PPIL2: variants seen among roughly 807,000 people sequenced by gnomAD.
PPIL2 encodes peptidylprolyl isomerase like 2.
PPIL2 carries 50 observed loss-of-function variants against 75.2 expected under a neutral mutation model. The ratio of observed to expected loss-of-function variants is 0.66; its 90% CI spans 0.53 to 0.84. The LOEUF is 0.84. Among genes scored for constraint, PPIL2 ranks in the 40% least tolerant of loss-of-function variants. The probability of loss-of-function intolerance (pLI) is 0.00; values close to 1 mark genes in which losing one functional copy is unlikely to be tolerated. For missense variants in PPIL2, 590 were observed against 685.0 expected (o/e 0.86, Z 1.55); for synonymous variants, 245 against 258.8 (o/e 0.95, Z 0.51).
At chr22:21,676,306 A>ATTTTTTTT (rs200463191) in intron 6 of PPIL2, among the ~76,000 whole-genome samples, 1 of 23,338 alleles carries the variant, frequency 4.3e-5, no homozygotes, top group African/African-American at 1.6e-4. Context: ...TTATTTATTT[A>ATTTTTTTT]TTTTGTGTGT....
At chr22:21,675,024 C>T (rs1305569934) in intron 5 of PPIL2, 40 bp from the exon 6 acceptor site, 1 of 1,538,108 alleles carries the variant, frequency 6.5e-7, no homozygotes, top group Non-Finnish European at 9.0e-7. Flanking sequence ...GCATCAGTTA[C>T]TTATTCATTA....
intron 6 of PPIL2, among the ~76,000 whole-genome samples, chr22:21,680,885 G>A (rs934744716): frequency 6.7e-6 from 1 of 149,752 alleles, no homozygotes; most frequent in Non-Finnish European, 1.5e-5. Flanking sequence ...CAGTAGGCAG[G>A]CAAGGGGATG....
chr22:21,671,201 G>T (rs1460181121), intron 4 of PPIL2, 142 bp downstream of exon 4: 9 of 861,098 alleles, frequency 1.0e-5, no homozygotes, highest in African/African-American at 3.3e-5. Flanking sequence ...CAGCAATGCT[G>T]CTGTGACCCT....
chr22:21,684,190 G>C (rs372930031), intron 9 of PPIL2, among the ~76,000 whole-genome samples: 9 of 151,046 alleles, frequency 6.0e-5, no homozygotes, highest in South Asian at 2.1e-4. Context: ...TGGGGCGACA[G>C]AGCTAGACCC....
In PPIL2 at chr22:21,694,978, G is replaced by C. The variant is rs752391451; in HGVS notation, c.1374G>C (p.Glu458Asp). The C allele has an allele frequency of 4.3e-6, 7 of 1,613,760 alleles. No homozygotes were observed. In the East Asian group the frequency reaches 1.3e-4, roughly 31 times the overall value. Residue 458 changes from glutamate to aspartate, a missense_variant, in exon 19 of 20, where the codon GAG (glutamate) becomes GAC (aspartate). By Grantham distance (45) the Glu-to-Asp change is conservative. Transcript: ENST00000398831. ...AGACACAGCTCAAGGTAGCCCCGGA[G>C]ACCAAAGTGAAGAGCAGCCAGCCCC... is the stretch of plus-strand genomic sequence containing the variant. Reference protein sequence around the residue: ...ERKTQLKVAPETKVKSSQPQA... With the variant: ...ERKTQLKVAPDTKVKSSQPQA...
intron 5 of PPIL2, among the ~76,000 whole-genome samples, chr22:21,673,815 G>A (rs2073012597): frequency 6.6e-6 from 1 of 152,198 alleles, no homozygotes; most frequent in South Asian, 2.1e-4. Flanking sequence ...AGGGCTGGCT[G>A]GCCCATGTGA....
chr22:21,678,407 T>A (rs995878823), intron 6 of PPIL2, among the ~76,000 whole-genome samples: 19 of 152,008 alleles, frequency 1.2e-4, no homozygotes, highest in African/African-American at 4.6e-4. Flanking sequence ...GTTTTTGTGT[T>A]TTTTGTAGAG....
chr22:21,684,350 G>A (rs904307998), intron 9 of PPIL2, among the ~76,000 whole-genome samples: 4 of 147,000 alleles, frequency 2.7e-5, no homozygotes, highest in African/African-American at 7.6e-5. Context: ...TACTCAGGAG[G>A]CTGAGGCAGG....
At chr22:21,688,708 C>A in intron 14 of PPIL2, 24 bp from the exon 15 acceptor site, 1 of 1,604,738 alleles carries the variant, frequency 6.2e-7, no homozygotes, top group Non-Finnish European at 8.5e-7. Flanking sequence ...GGCTTTCCTG[C>A]TCCCATGGGC....
intron 10 of PPIL2, chr22:21,685,844 A>G (rs530244481): frequency 6.3e-5 from 22 of 351,846 alleles, no homozygotes; most frequent in African/African-American, 3.9e-4. Flanking sequence ...TTAAATATGT[A>G]ATGTGTTTAG....
At chr22:21,688,151 C>T (rs861828) in intron 14 of PPIL2, 45 bp downstream of exon 14, 247,967 of 1,612,432 alleles carry the variant, frequency 0.15, 20,265 homozygotes, top group Non-Finnish European at 0.17. Context: ...TTGGCTGCTC[C>T]GTGGGGCATG....
chr22:21,671,190 G>A, intron 4 of PPIL2, 131 bp downstream of exon 4: 1 of 894,874 alleles, frequency 1.1e-6, no homozygotes, highest in Non-Finnish European at 1.9e-6. Flanking sequence ...TGGGGACATG[G>A]CAGCAATGCT....
chr22:21,670,477 C>A, intron 2 of PPIL2, 89 bp from the exon 3 acceptor site: 1 of 1,495,968 alleles, frequency 6.7e-7, no homozygotes, highest in Non-Finnish European at 9.2e-7. Flanking sequence ...TGAACTTTTT[C>A]ATAAGCTGTA....
intron 15 of PPIL2, among the ~76,000 whole-genome samples, chr22:21,692,393 A>G (rs887941861): frequency 6.6e-6 from 1 of 151,292 alleles, no homozygotes; most frequent in Non-Finnish European, 1.5e-5. Flanking sequence ...TGACCTTGTG[A>G]TCCGCCCACC....
intron 1 of PPIL2, 151 bp from the exon 2 acceptor site, chr22:21,669,762 A>G: frequency 1.3e-6 from 1 of 751,120 alleles, no homozygotes; most frequent in Non-Finnish European, 2.3e-6. Flanking sequence ...GGGCTCCCAA[A>G]GTGTTGGGAT....
Position 21,684,923 on chromosome 22 carries a change from G to A in PPIL2, c.714+10G>A, listed in dbSNP as rs149341682. ...GGACAAGCTGAACGCTGTGAGTGGC[G>A]GAGGGCACTCGGCCAAGCCCAAGCC... On this transcript the variant is annotated intron_variant, in intron 10 of 19. Transcript: ENST00000398831. 4.5e-4 allele frequency: 727 copies of A among 1,613,150 alleles called. 4 individuals are homozygous for A. In the African/African-American group the frequency reaches 8.3e-3, roughly 18 times the overall value.
rs530202637 is a variant in PPIL2, at chr22:21,694,963, C to T, written c.1359C>T (p.Leu453=). Residue 453 remains leucine, a synonymous_variant, in exon 19 of 20, where the codon CTC becomes CTT. Transcript: ENST00000398831. ...TTGCGCAGGAGCGGAAGACACAGCT[C>T]AAGGTAGCCCCGGAGACCAAAGTGA... The part of the protein sequence containing the change: ...AQIAQERKTQ[L]KVAPETKVKS... The T allele has an allele frequency of 3.1e-6, 5 of 1,613,866 alleles. No homozygotes were observed. In the Admixed American group the frequency reaches 8.3e-5, roughly 27 times the overall value.
chr22:21,687,587 G>C (rs1236503826), intron 12 of PPIL2, 56 bp from the exon 13 acceptor site: 1 of 957,528 alleles, frequency 1.0e-6, no homozygotes, highest in African/African-American at 1.7e-5. Flanking sequence ...CTGTGGCTGT[G>C]GTGAGCTGCC....
Position 21,682,424 on chromosome 22 carries a change from C to G in PPIL2, c.388-13C>G. The G allele has an allele frequency of 6.2e-7, 1 of 1,612,236 alleles. No individual in the cohort carries two copies. The highest frequency in any genetic ancestry group is 8.5e-7 in the Non-Finnish European group (1 of 1,178,474). ...GGGGCAGGCATCGTAAAACCACTTC[C>G]TCCTGGCTATAGGCAGTGGAACAGC... On this transcript the variant is annotated splice_polypyrimidine_tract_variant and intron_variant, in intron 7 of 19. Transcript: ENST00000398831.
Sources: allele counts gnomAD v4.1 joint callset (sites outside exome capture counted in the v4.1 genomes callset), GRCh38; gene constraint gnomAD v4.1.1; transcripts MANE v1.5; gene names NCBI Gene and HGNC (gene_info 2026-07-23, HGNC 2026-07-21).